Variants in ADGRL4 observed in about 807,000 individuals in gnomAD.
ADGRL4 encodes EGF, latrophilin and seven transmembrane domain containing 1.
Under a neutral mutation model 74.8 loss-of-function variants are expected in ADGRL4, and 90 were observed. The ratio of observed to expected loss-of-function variants is 1.20; its 90% CI spans 1.02 to 1.43. The LOEUF (loss-of-function observed/expected upper bound fraction) is 1.43, where lower values mean the gene tolerates loss of function less well. ADGRL4 is among the 40% of genes most tolerant of loss of function. The probability of loss-of-function intolerance (pLI) is 0.00; values close to 1 mark genes in which losing one functional copy is unlikely to be tolerated. For synonymous variants in ADGRL4, 311 were observed against 279.2 expected (o/e 1.11, Z -1.14); for missense variants, 881 against 814.3 (o/e 1.08, Z -1.00).
intron 2 of ADGRL4, among the ~76,000 whole-genome samples, chr1:78,995,138 C>T (rs1320054740): frequency 6.6e-6 from 1 of 152,158 alleles, no homozygotes. Context: ...ACTAAACCTT[C>T]CCAATAGGAG....
chr1:78,925,798 G>T (rs1649100132), intron 8 of ADGRL4, among the ~76,000 whole-genome samples: 1 of 152,018 alleles, frequency 6.6e-6, no homozygotes, highest in African/African-American at 2.4e-5. Flanking sequence ...TGGTGAAGTG[G>T]GTTGTTCTTG....
At chr1:78,963,636 A>G (rs917648759) in intron 2 of ADGRL4, among the ~76,000 whole-genome samples, 6 of 152,226 alleles carry the variant, frequency 3.9e-5, no homozygotes, top group Non-Finnish European at 7.3e-5. Flanking sequence ...ATCTTAAAGC[A>G]TGCTACAGAA....
At chr1:78,913,544 C>T (rs1431178452) in intron 12 of ADGRL4, among the ~76,000 whole-genome samples, 2 of 151,772 alleles carry the variant, frequency 1.3e-5, no homozygotes, top group Non-Finnish European at 2.9e-5. Flanking sequence ...ATACCACATG[C>T]TCTCACTTAT....
chr1:78,961,318 T>A (rs1649948744), intron 2 of ADGRL4, among the ~76,000 whole-genome samples: 1 of 152,082 alleles, frequency 6.6e-6, no homozygotes, highest in African/African-American at 2.4e-5. Flanking sequence ...AATTTTTGTA[T>A]CTTTAGTAGA....
intron 12 of ADGRL4, among the ~76,000 whole-genome samples, chr1:78,903,919 A>G (rs540095116): frequency 2.5e-3 from 382 of 150,722 alleles, no homozygotes; most frequent in African/African-American, 8.3e-3. Flanking sequence ...CTGGTGACAC[A>G]GCGAGACTCC....
chr1:78,961,535 G>A (rs2100708636), intron 2 of ADGRL4, among the ~76,000 whole-genome samples: 1 of 152,252 alleles, frequency 6.6e-6, no homozygotes, highest in Non-Finnish European at 1.5e-5. Flanking sequence ...CAAGTCACTT[G>A]ATTCTGTTTA....
chr1:79,005,865 A>T (rs964286207), intron 1 of ADGRL4, among the ~76,000 whole-genome samples: 1 of 152,232 alleles, frequency 6.6e-6, no homozygotes, highest in Non-Finnish European at 1.5e-5. Flanking sequence ...AAAAACAAAA[A>T]AAGAAACTCA....
At chr1:78,986,234 C>G (rs184878097) in intron 2 of ADGRL4, among the ~76,000 whole-genome samples, 1 of 150,708 alleles carries the variant, frequency 6.6e-6, no homozygotes, top group Non-Finnish European at 1.5e-5. Context: ...AACATTTTTG[C>G]CTTTTGAAAA....
At chr1:78,892,443 T>C (rs1474063481) in intron 13 of ADGRL4, among the ~76,000 whole-genome samples, 1 of 152,146 alleles carries the variant, frequency 6.6e-6, no homozygotes, top group Non-Finnish European at 1.5e-5. Context: ...GTCCAGTCAT[T>C]CTTTATTGCA....
chr1:78,927,151 T>G, intron 7 of ADGRL4, 60 bp from the exon 8 acceptor site: 1 of 1,104,586 alleles, frequency 9.1e-7, no homozygotes. Flanking sequence ...ATTTAGACTC[T>G]TAAGATAAAC....
At position 78,936,800 on chromosome 1, in the gene ADGRL4, T is replaced by C. The variant is rs527356622; in HGVS notation, c.761-389A>G. ...TTGAGTGATAATTCCTTTGACCTGC[T>C]GTATTATCACCATTTTCATGCAGAA... On this transcript the variant is annotated intron_variant, in intron 6 of 14. Coordinates refer to ENST00000370742, the MANE Select transcript of ADGRL4 (RefSeq NM_022159.4). 1.8e-4 allele frequency among the ~76,000 whole-genome samples: 28 copies of C among 152,310 alleles called. No homozygotes were observed. In the East Asian group the frequency reaches 5.2e-3, roughly 28 times the overall value.
intron 2 of ADGRL4, among the ~76,000 whole-genome samples, chr1:78,970,531 T>A (rs112874804): frequency 0.032 from 4,897 of 152,146 alleles, 102 homozygotes; most frequent in South Asian, 0.052. Flanking sequence ...TGTGCCAAGG[T>A]CACCAGGACT....
chr1:78,934,446 A>C (rs901758793), intron 7 of ADGRL4, among the ~76,000 whole-genome samples: 1 of 152,122 alleles, frequency 6.6e-6, no homozygotes, highest in Admixed American at 6.6e-5. Flanking sequence ...AAACCATAAA[A>C]CTCCTAGAAG....
chr1:78,914,871 C>T (rs927546114), intron 12 of ADGRL4, among the ~76,000 whole-genome samples: 1 of 151,752 alleles, frequency 6.6e-6, no homozygotes, highest in African/African-American at 2.4e-5. Context: ...TATGGGGGAG[C>T]TGCATGATAT....
intron 1 of ADGRL4, among the ~76,000 whole-genome samples, chr1:79,005,881 A>T (rs1374993518): frequency 6.6e-6 from 1 of 152,232 alleles, no homozygotes; most frequent in Non-Finnish European, 1.5e-5. Flanking sequence ...ACTCAAGATT[A>T]TAGTCAAAGA....
intron 2 of ADGRL4, among the ~76,000 whole-genome samples, chr1:78,971,998 A>G (rs1183102905): frequency 6.6e-6 from 1 of 151,286 alleles, no homozygotes; most frequent in East Asian, 1.9e-4. Flanking sequence ...TAGGTGATGC[A>G]CCTGCCTCAG....
At chr1:78,942,924 T>C (rs1649517992) in intron 3 of ADGRL4, among the ~76,000 whole-genome samples, 1 of 151,932 alleles carries the variant, frequency 6.6e-6, no homozygotes, top group Non-Finnish European at 1.5e-5. Context: ...AGACCTCAGC[T>C]CAAAAATAAT....
chr1:78,992,291 A>G (rs1159961683), intron 2 of ADGRL4, among the ~76,000 whole-genome samples: 1 of 152,074 alleles, frequency 6.6e-6, no homozygotes, highest in Non-Finnish European at 1.5e-5. Context: ...AAGAGAATCT[A>G]TGAAACTGTA....
chr1:78,975,027 A>C (rs1272650422), intron 2 of ADGRL4, among the ~76,000 whole-genome samples: 1 of 152,184 alleles, frequency 6.6e-6, no homozygotes, highest in Non-Finnish European at 1.5e-5. Context: ...TGGTGAATAA[A>C]TATGAACAAA....
Sources: gnomAD v4.1 joint callset for allele counts (sites outside exome capture counted in the v4.1 genomes callset) on GRCh38, gnomAD v4.1.1 for gene constraint, MANE v1.5 for transcripts, NCBI Gene and HGNC (gene_info 2026-07-23, HGNC 2026-07-21) for gene names.